Variants in ZBTB4 observed in about 807,000 individuals in gnomAD.
ZBTB4 encodes zinc finger and BTB domain containing 4.
Under a neutral mutation model 59.8 loss-of-function variants are expected in ZBTB4, and 14 were observed. That is an observed-to-expected ratio of 0.23 (90% confidence interval 0.15 to 0.37). The LOEUF is 0.37. Among genes scored for constraint, ZBTB4 ranks in the 10% least tolerant of loss-of-function variants. The pLI is 1.00. For synonymous variants in ZBTB4, 587 were observed against 575.2 expected (o/e 1.02, Z -0.29); for missense variants, 1,198 against 1,380.8 (o/e 0.87, Z 2.10).
intron 1 of ZBTB4, among the ~76,000 whole-genome samples, chr17:7,473,495 G>T (rs2070228540): frequency 6.6e-6 from 1 of 151,572 alleles, no homozygotes; most frequent in Non-Finnish European, 1.5e-5. Flanking sequence ...CCTGACCTCA[G>T]GTGATCTGCC....
chr17:7,463,993 C>A, intron 3 of ZBTB4, 103 bp from the exon 4 acceptor site: 1 of 1,501,448 alleles, frequency 6.7e-7, no homozygotes, highest in Admixed American at 2.3e-5. Context: ...ACCTGTGACT[C>A]CCGTAGCCTT....
At chr17:7,477,696 C>T (rs1481208716) in intron 1 of ZBTB4, among the ~76,000 whole-genome samples, 2 of 152,120 alleles carry the variant, frequency 1.3e-5, no homozygotes, top group East Asian at 1.9e-4. Context: ...GCCCAGTGTG[C>T]GTCAGAGATA....
At chr17:7,482,832 G>A, upstream of ZBTB4, 1 of 1,612,088 alleles carries the variant, frequency 6.2e-7, no homozygotes, top group Non-Finnish European at 8.5e-7. Flanking sequence ...GCCCTGGTGT[G>A]CGCTGTCCTG....
At position 7,466,005 on chromosome 17, in the gene ZBTB4, G is replaced by A. The variant is rs1567686623; in HGVS notation, c.797C>T (p.Thr266Ile). The A allele has an allele frequency of 1.2e-6, 2 of 1,607,708 alleles. No individual in the cohort carries two copies. Among genetic ancestry groups the A allele is most frequent in the East Asian group, 2.2e-5 (1 of 44,744 alleles). The change falls in exon 3 of 4, where the codon ACA (threonine) becomes ATA (isoleucine). Residue 266 changes from threonine to isoleucine, a missense_variant. This residue lies in a region of ZBTB4 where 204 missense variants were observed against 205.5 expected (regional missense o/e 0.99). Transcript: ENST00000380599. The surrounding 1 kb of genome is among the most constrained non-coding windows in gnomAD (Gnocchi z 9.1). Reference protein sequence around the residue: ...CRRGASTRGSTGLGAGGAGPG... With the variant: ...CRRGASTRGSIGLGAGGAGPG... The stretch of plus-strand genomic sequence containing the variant: ...GCCAGCGCCCCCAGCTCCCAGCCCT[G>A]TAGACCCCCGCGTGCTGGCCCCTCG...
Position 7,466,343 on chromosome 17 carries a change from A to AC in ZBTB4, c.458dup (p.Gly154TrpfsTer30), listed in dbSNP as rs753073846. ...CTGCTACAGCTGCCCCGTCCCCTCCACCACCAGGCAGTGCGAGCCGGGCGC... is the reference window on the plus strand; with the variant it reads ...CTGCTACAGCTGCCCCGTCCCCTCCACCCACCAGGCAGTGCGAGCCGGGCGC... On this transcript the variant is annotated frameshift_variant, in exon 3 of 4. Coordinates refer to ENST00000380599, the MANE Select transcript of ZBTB4 (RefSeq NM_001128833.2). LOFTEE classifies it high-confidence loss of function. This position sits in a 1 kb window ranked among gnomAD's most constrained non-coding sequence, Gnocchi z 9.1. 6.2e-7 allele frequency: 1 copy of AC among 1,613,910 alleles called. No individual in the cohort carries two copies. The highest frequency in any genetic ancestry group is 8.5e-7 in the Non-Finnish European group (1 of 1,179,972).
At chr17:7,464,066 C>T (rs886660216) in intron 3 of ZBTB4, among the ~76,000 whole-genome samples, 176 bp from the exon 4 acceptor site, 4 of 152,224 alleles carry the variant, frequency 2.6e-5, no homozygotes, top group Non-Finnish European at 5.9e-5. Flanking sequence ...AGTGCCTCCA[C>T]TGGCTGTGAG....
At chr17:7,483,857 G>C (rs546312040), upstream of ZBTB4, 1 of 152,454 alleles carries the variant, frequency 6.6e-6, no homozygotes, top group African/African-American at 2.4e-5. Context: ...ACCCGTCTCC[G>C]GGGGCCGTTT....
Position 7,463,517 on chromosome 17 carries a change from T to G in ZBTB4, c.1465A>C (p.Ser489Arg), listed in dbSNP as rs2070066653. The change falls in exon 4 of 4, where the codon AGT becomes CGT. Residue 489 changes from serine to arginine, a missense_variant. Ser to Arg is a moderately radical substitution (Grantham distance 110). This residue lies in a region of ZBTB4 where 550 missense variants were observed against 541.8 expected (regional missense o/e 1.02). Coordinates refer to ENST00000380599, the MANE Select transcript of ZBTB4 (RefSeq NM_001128833.2). ...GCCGTCCCACTCCCCCCTCCACCACTGCTACTGCCCCCATGGACAATGACA... is the reference window on the plus strand; with the variant it reads ...GCCGTCCCACTCCCCCCTCCACCACGGCTACTGCCCCCATGGACAATGACA... ...PSVIVHGGSS[S>R]GGGGSGTAST... 6.4e-7 allele frequency: 1 copy of G among 1,568,510 alleles called. No homozygotes were observed. The highest frequency in any genetic ancestry group is 2.3e-5 in the East Asian group (1 of 44,200).
chr17:7,480,577 G>A (rs1237786907), upstream of ZBTB4, among the ~76,000 whole-genome samples: 1 of 152,098 alleles, frequency 6.6e-6, no homozygotes, highest in Non-Finnish European at 1.5e-5. Flanking sequence ...AAAATTAGCC[G>A]GGCGTGGTGG....
chr17:7,463,603 G>A lies in ZBTB4; in HGVS notation c.1379C>T (p.Pro460Leu), dbSNP rs771212946. The A allele has an allele frequency of 5.6e-6, 9 of 1,602,812 alleles. No homozygotes were observed. The highest frequency in any genetic ancestry group is 7.7e-6 in the Non-Finnish European group (9 of 1,174,592). ...AMPASPPPGP[P>L]PAPEPGPPPS... The stretch of plus-strand genomic sequence containing the variant: ...TGGAGGGCCAGGCTCTGGGGCAGGT[G>A]GAGGCCCAGGCGGCGGGCTGGCTGG... The change falls in exon 4 of 4, where the codon CCA (proline) becomes CTA (leucine). Residue 460 changes from proline to leucine, a missense_variant. Pro to Leu is a moderately conservative substitution (Grantham distance 98, BLOSUM62 -3). This residue lies in a region of ZBTB4 where 550 missense variants were observed against 541.8 expected (regional missense o/e 1.02). Coordinates refer to ENST00000380599, the MANE Select transcript of ZBTB4 (RefSeq NM_001128833.2).
rs2070070371 is a variant in ZBTB4 at position 7,463,672 on chromosome 17, G to A, written c.1310C>T (p.Ala437Val). The A allele has an allele frequency of 1.2e-6, 2 of 1,613,360 alleles. No homozygotes were observed. Among genetic ancestry groups the A allele is most frequent in the South Asian group, 2.2e-5 (2 of 91,090 alleles). ...TGTGTTGAGGGTTGGAGAAAGGGGA[G>A]CCTCCGGGGCTCCCTGGCTGTAGGT... ...YKTYSQGAPE[A>V]PLSPTLNTPA... The change falls in exon 4 of 4, where the codon GCT (alanine) becomes GTT (valine). Residue 437 changes from alanine to valine, a missense_variant. Physicochemically the swap from Ala to Val is moderately conservative, Grantham distance 64. Coordinates refer to ENST00000380599, the MANE Select transcript of ZBTB4 (RefSeq NM_001128833.2).
At chr17:7,478,816 T>A (rs2070304382) in intron 1 of ZBTB4, among the ~76,000 whole-genome samples, 1 of 152,076 alleles carries the variant, frequency 6.6e-6, no homozygotes, top group South Asian at 2.1e-4. Flanking sequence ...GCTTTCTATC[T>A]CCATGGCCCA....
chr17:7,464,907 A>C (rs1007620333), intron 3 of ZBTB4, among the ~76,000 whole-genome samples: 10 of 151,480 alleles, frequency 6.6e-5, no homozygotes, highest in African/African-American at 2.2e-4. Flanking sequence ...CTGTAATCTC[A>C]GCACTTTGGG....
upstream of ZBTB4, among the ~76,000 whole-genome samples, chr17:7,481,044 A>G (rs1264044974): frequency 6.6e-6 from 1 of 151,968 alleles, no homozygotes; most frequent in African/African-American, 2.4e-5. Context: ...CTGTAATCCC[A>G]GGTACTTGGG....
chr17:7,479,945 C>T (rs2070322738), upstream of ZBTB4, among the ~76,000 whole-genome samples: 1 of 152,008 alleles, frequency 6.6e-6, no homozygotes, highest in Non-Finnish European at 1.5e-5. Context: ...CAGCGGTGCA[C>T]ACTGCCTGAA....
chr17:7,472,204 T>G (rs918354502), intron 1 of ZBTB4, among the ~76,000 whole-genome samples: 1 of 152,064 alleles, frequency 6.6e-6, no homozygotes, highest in Non-Finnish European at 1.5e-5. Context: ...TTCTTTTTTT[T>G]TTTTGAGACA....
intron 3 of ZBTB4, 48 bp downstream of exon 3, chr17:7,465,663 G>T (rs750537520): frequency 6.5e-7 from 1 of 1,548,264 alleles, no homozygotes. Context: ...TCCTATGACC[G>T]CTGAGTGCCA....
At chr17:7,471,518 C>T (rs2070196838) in intron 1 of ZBTB4, among the ~76,000 whole-genome samples, 1 of 152,218 alleles carries the variant, frequency 6.6e-6, no homozygotes, top group Admixed American at 6.5e-5. Flanking sequence ...CTCTAAACTC[C>T]TCCCTTTCAG....
At chr17:7,483,245 G>C (rs529640977), upstream of ZBTB4, 238 of 733,452 alleles carry the variant, frequency 3.2e-4, no homozygotes, top group Non-Finnish European at 4.8e-4. Context: ...AAGGGGTAAA[G>C]TCTGAGGAGC....
Sources: gnomAD v4.1 joint callset for allele counts (sites outside exome capture counted in the v4.1 genomes callset) on GRCh38, gnomAD v4.1.1 for gene constraint, gnomAD v4.1.1 regional missense constraint, Gnocchi (gnomAD v3.1) non-coding constraint, MANE v1.5 for transcripts, NCBI Gene and HGNC (gene_info 2026-07-23, HGNC 2026-07-21) for gene names.